The following NEBL variants were observed in gnomAD, a reference collection of about 807,000 sequenced individuals.
The protein encoded by NEBL is nebulette.
Under a neutral mutation model 140.2 loss-of-function variants are expected in NEBL, and 122 were observed. The observed-to-expected ratio is 0.87, with a 90% CI of 0.75 to 1.01. NEBL has a LOEUF of 1.01. NEBL is among the 50% of genes least tolerant of loss of function. The probability of loss-of-function intolerance (pLI) is 0.00; values close to 1 mark genes in which losing one functional copy is unlikely to be tolerated. For synonymous variants in NEBL, 436 were observed against 398.9 expected (o/e 1.09, Z -1.11); for missense variants, 1,365 against 1,231.3 (o/e 1.11, Z -1.62).
chr10:20,951,059 G>A (rs941478675), intron 4 of NEBL, among the ~76,000 whole-genome samples: 6 of 152,062 alleles, frequency 3.9e-5, no homozygotes, highest in South Asian at 2.1e-4. Context: ...GGCTTGAGCC[G>A]AGGAGTTCAA....
At chr10:20,938,619 C>A (rs141325592) in intron 4 of NEBL, among the ~76,000 whole-genome samples, 6,649 of 152,134 alleles carry the variant, frequency 0.044, 292 homozygotes, top group East Asian at 0.15. Context: ...GAGAAGAAGG[C>A]TTCAGACAAT....
intron 3 of NEBL, chr10:20,961,892 C>T: frequency 5.1e-6 from 4 of 780,364 alleles, no homozygotes; most frequent in Admixed American, 2.0e-5. Context: ...ACACAGATCT[C>T]AGCCGGAGGT....
chr10:21,152,862 A>T (rs1840197005), intron 2 of NEBL, among the ~76,000 whole-genome samples: 1 of 152,232 alleles, frequency 6.6e-6, no homozygotes, highest in East Asian at 1.9e-4. Flanking sequence ...CTTGAAAAAA[A>T]CAACTGTACA....
At chr10:21,139,393 G>A (rs769434250) in intron 2 of NEBL, among the ~76,000 whole-genome samples, 2 of 152,048 alleles carry the variant, frequency 1.3e-5, no homozygotes, top group Admixed American at 1.3e-4. Flanking sequence ...AGGGGAAATC[G>A]GTTACAATTT....
intron 5 of NEBL, among the ~76,000 whole-genome samples, chr10:20,880,181 T>G (rs557067066): frequency 6.6e-6 from 1 of 152,124 alleles, no homozygotes; most frequent in East Asian, 1.9e-4. Flanking sequence ...GCCTAGATGG[T>G]GAAAACCCGT....
intron 2 of NEBL, among the ~76,000 whole-genome samples, chr10:21,161,123 G>A (rs996862976): frequency 6.6e-5 from 10 of 152,180 alleles, no homozygotes; most frequent in African/African-American, 2.4e-4. Context: ...AGCATGGCCA[G>A]CAACATCTAG....
chr10:20,841,836 C>T (rs1162831149), intron 12 of NEBL, among the ~76,000 whole-genome samples: 1 of 152,034 alleles, frequency 6.6e-6, no homozygotes, highest in African/African-American at 2.4e-5. Context: ...AAGGCTGTCT[C>T]CATGCAATTT....
rs1564518146 is a variant in NEBL, at chr10:21,120,421, TA to T, written c.164+51961del. Reference sequence around the variant, plus strand: ...ATATATATATATATATATATATATATATAAATTTGATCACTGGTTTAAAGTA... The same window carrying T: ...ATATATATATATATATATATATATATTAAATTTGATCACTGGTTTAAAGTA... On this transcript the variant is annotated intron_variant, in intron 2 of 6. Coordinates refer to the NEBL transcript ENST00000417816. 7.8e-4 allele frequency among the ~76,000 whole-genome samples: 102 copies of T among 131,016 alleles called. 6 individuals carry two copies. The highest frequency in any genetic ancestry group is 3.0e-3 in the South Asian group (12 of 4,024). 86.0% of individuals were successfully genotyped at this position (131,016 alleles called of 152,430 possible).
At chr10:21,092,979 C>G (rs1836991982) in intron 2 of NEBL, among the ~76,000 whole-genome samples, 1 of 152,086 alleles carries the variant, frequency 6.6e-6, no homozygotes, top group Non-Finnish European at 1.5e-5. Context: ...AGTGGACTCA[C>G]AGTATATTTT....
chr10:21,202,722 A>G (rs1841761182), intron 3 of NEBL, among the ~76,000 whole-genome samples: 1 of 151,872 alleles, frequency 6.6e-6, no homozygotes, highest in East Asian at 1.9e-4. Context: ...CGGCCTCCCA[A>G]AGTGCTGGGA....
chr10:21,290,797 C>T (rs1843131686), intron 1 of NEBL, among the ~76,000 whole-genome samples: 1 of 152,170 alleles, frequency 6.6e-6, no homozygotes, highest in South Asian at 2.1e-4. Context: ...TTAAAAGTAC[C>T]TACACCCCCC....
chr10:21,245,942 G>A (rs891790720), intron 3 of NEBL, among the ~76,000 whole-genome samples: 2 of 152,182 alleles, frequency 1.3e-5, no homozygotes, highest in Non-Finnish European at 2.9e-5. Flanking sequence ...TGATCCGCCC[G>A]CCTCAGCCTC....
At chr10:21,109,721 G>C (rs1474612591) in intron 2 of NEBL, among the ~76,000 whole-genome samples, 1 of 152,124 alleles carries the variant, frequency 6.6e-6, no homozygotes, top group Non-Finnish European at 1.5e-5. Flanking sequence ...TCCTGGTTTA[G>C]TCTTGGGAGA....
At chr10:21,195,125 C>G (rs1477419044) in intron 3 of NEBL, among the ~76,000 whole-genome samples, 1 of 152,086 alleles carries the variant, frequency 6.6e-6, no homozygotes, top group South Asian at 2.1e-4. Context: ...TAGATAATTT[C>G]CTAGCCCTGT....
intron 4 of NEBL, among the ~76,000 whole-genome samples, chr10:20,916,388 A>C (rs1346725699): frequency 6.6e-6 from 1 of 152,190 alleles, no homozygotes; most frequent in Admixed American, 6.5e-5. Flanking sequence ...AAGAAGAAAA[A>C]GACTTAATTT....
At chr10:20,992,700 T>G (rs1012657380) in intron 3 of NEBL, among the ~76,000 whole-genome samples, 2 of 146,898 alleles carry the variant, frequency 1.4e-5, no homozygotes, top group Non-Finnish European at 3.0e-5. Context: ...CTTACTATCC[T>G]CTACTAAAAT....
At chr10:20,892,615 T>C (rs1847122530) in intron 2 of NEBL, among the ~76,000 whole-genome samples, 1 of 152,160 alleles carries the variant, frequency 6.6e-6, no homozygotes, top group South Asian at 2.1e-4. Flanking sequence ...ATTGATGACT[T>C]TATGATCATT....
At chr10:21,018,159 T>C (rs1344742956) in intron 3 of NEBL, among the ~76,000 whole-genome samples, 1 of 152,130 alleles carries the variant, frequency 6.6e-6, no homozygotes, top group Non-Finnish European at 1.5e-5. Context: ...ACAAATTAAA[T>C]ATAGTCATTC....
At position 21,190,800 on chromosome 10, in the gene NEBL, A is replaced by C. The variant is rs568581397; in HGVS notation, n.349-18323T>G. Reference sequence around the variant, plus strand: ...TATTATGCTTGTAGAATAAAACAAAATGCTAATTTAACCAGCAAGTACATA... The same window carrying C: ...TATTATGCTTGTAGAATAAAACAAACTGCTAATTTAACCAGCAAGTACATA... On this transcript the variant is annotated intron_variant and non_coding_transcript_variant, in intron 3 of 8. Transcript: ENST00000675702. Among the ~76,000 whole-genome samples the C allele has an allele frequency of 2.2e-3, 329 of 152,348 alleles. 3 individuals are homozygous for C. Among genetic ancestry groups the C allele is most frequent in the African/African-American group, 7.6e-3 (316 of 41,580 alleles).
Sources: allele counts gnomAD v4.1 joint callset (sites outside exome capture counted in the v4.1 genomes callset), GRCh38; gene constraint gnomAD v4.1.1; transcripts MANE v1.5; gene names NCBI Gene and HGNC (gene_info 2026-07-23, HGNC 2026-07-21).